Variants in RBFOX2 observed in about 807,000 individuals in gnomAD.
RBFOX2 encodes RNA binding fox-1 homolog 2.
A neutral mutation model predicts 49.1 loss-of-function variants in RBFOX2; 10 were observed. The ratio of observed to expected loss-of-function variants is 0.20; its 90% CI spans 0.13 to 0.35. RBFOX2 has a LOEUF of 0.35. RBFOX2 is among the 10% of genes least tolerant of loss of function. The pLI is 1.00. For synonymous variants in RBFOX2, 183 were observed against 187.4 expected (o/e 0.98, Z 0.19); for missense variants, 323 against 486.9 (o/e 0.66, Z 3.17).
At chr22:35,762,401 T>C (rs969092068) in intron 6 of RBFOX2, among the ~76,000 whole-genome samples, 6 of 152,058 alleles carry the variant, frequency 3.9e-5, no homozygotes, top group African/African-American at 1.4e-4. Flanking sequence ...CTATATTATA[T>C]ATTTTCTGAC....
intron 2 of RBFOX2, among the ~76,000 whole-genome samples, chr22:35,785,436 C>T (rs762038373): frequency 2.6e-5 from 4 of 152,106 alleles, no homozygotes; most frequent in Non-Finnish European, 4.4e-5. Flanking sequence ...GTGGAACTTG[C>T]TGTTCTTATT....
At chr22:36,024,270 T>C (rs553636690) in intron 1 of RBFOX2, among the ~76,000 whole-genome samples, 5 of 152,324 alleles carry the variant, frequency 3.3e-5, no homozygotes, top group Non-Finnish European at 7.3e-5. Flanking sequence ...AAAGGAAATA[T>C]AGTTCCTATC....
intron 1 of RBFOX2, among the ~76,000 whole-genome samples, chr22:35,926,271 T>C (rs534428470): frequency 2.9e-3 from 444 of 152,336 alleles, no homozygotes; most frequent in African/African-American, 0.01. Flanking sequence ...TACTAACCGC[T>C]ACAGCAAGAA....
chr22:35,883,650 T>C (rs2046208962), intron 1 of RBFOX2, among the ~76,000 whole-genome samples: 1 of 152,198 alleles, frequency 6.6e-6, no homozygotes, highest in South Asian at 2.1e-4. Context: ...TTTCCCCTCA[T>C]ACTTTAAGCA....
intron 1 of RBFOX2, among the ~76,000 whole-genome samples, chr22:35,849,292 C>CAT (rs1184982288): frequency 9.3e-5 from 12 of 128,516 alleles, no homozygotes; most frequent in African/African-American, 4.2e-4. Context: ...CACACATACA[C>CAT]ACACAAACAC....
chr22:35,929,526 A>G (rs2052096589), intron 1 of RBFOX2, among the ~76,000 whole-genome samples: 1 of 152,234 alleles, frequency 6.6e-6, no homozygotes, highest in Admixed American at 6.5e-5. Context: ...AAAATAAAAA[A>G]TGACACAGTG....
chr22:36,006,728 T>C (rs1049172234), intron 1 of RBFOX2, among the ~76,000 whole-genome samples: 40 of 152,230 alleles, frequency 2.6e-4, no homozygotes, highest in African/African-American at 9.4e-4. Flanking sequence ...CTTGCCCTTG[T>C]ACATACTGTT....
chr22:35,794,033 T>C (rs921441200), intron 2 of RBFOX2, among the ~76,000 whole-genome samples: 2 of 152,290 alleles, frequency 1.3e-5, no homozygotes, highest in South Asian at 4.1e-4. Flanking sequence ...ATGTAACATA[T>C]AAATAGTGAC....
exon 12 of RBFOX2, chr22:35,743,961 A>G: frequency 2.5e-6 from 1 of 406,276 alleles, no homozygotes. Context: ...GTTTAAAAAA[A>G]AAAAGAAAAA....
intron 1 of RBFOX2, among the ~76,000 whole-genome samples, chr22:35,919,174 C>T (rs980328553): frequency 5.9e-5 from 9 of 152,094 alleles, no homozygotes; most frequent in African/African-American, 2.2e-4. Context: ...ACAGAATAGG[C>T]AAAATCTGTA....
At chr22:35,746,165 A>G (rs1569208740) in intron 10 of RBFOX2, among the ~76,000 whole-genome samples, 170 bp from the exon 13 acceptor site, 2 of 152,238 alleles carry the variant, frequency 1.3e-5, no homozygotes, top group Non-Finnish European at 1.5e-5. Context: ...CCCAAATGCA[A>G]TAACTGAAAA....
chr22:35,762,529 C>CA (rs796903854), intron 6 of RBFOX2, among the ~76,000 whole-genome samples: 124 of 121,104 alleles, frequency 1.0e-3, no homozygotes, highest in African/African-American at 3.8e-3. Context: ...TTTTTTGAGA[C>CA]AGAGTCTTGC....
chr22:35,966,222 C>A (rs567842123), upstream of RBFOX2, among the ~76,000 whole-genome samples: 11 of 152,284 alleles, frequency 7.2e-5, no homozygotes, highest in East Asian at 2.1e-3. Flanking sequence ...ATAAATATAT[C>A]ATAATTTACT....
chr22:35,977,345 C>A (rs1281713006), intron 1 of RBFOX2, among the ~76,000 whole-genome samples: 1 of 151,904 alleles, frequency 6.6e-6, no homozygotes, highest in East Asian at 1.9e-4. Flanking sequence ...GGTATTTACC[C>A]AAGAGAAATG....
At chr22:35,861,975 CATGG>C (rs992050546) in intron 1 of RBFOX2, among the ~76,000 whole-genome samples, 5 of 152,148 alleles carry the variant, frequency 3.3e-5, no homozygotes, top group African/African-American at 1.2e-4. Flanking sequence ...TATACAGTAA[CATGG>C]ATGAATTTCA....
intron 1 of RBFOX2, among the ~76,000 whole-genome samples, chr22:35,875,753 C>T (rs1011760667): frequency 2.0e-5 from 3 of 151,548 alleles, no homozygotes; most frequent in Non-Finnish European, 2.9e-5. Flanking sequence ...TTCCAACCTG[C>T]CTATTCTCCT....
intron 1 of RBFOX2, among the ~76,000 whole-genome samples, chr22:35,867,003 T>C (rs1357897635): frequency 6.6e-6 from 1 of 152,154 alleles, no homozygotes; most frequent in Non-Finnish European, 1.5e-5. Flanking sequence ...TGTGGTTATG[T>C]AAGAAAACGC....
intron 1 of RBFOX2, among the ~76,000 whole-genome samples, chr22:35,876,139 T>C (rs1375011925): frequency 7.9e-5 from 12 of 152,196 alleles, no homozygotes; most frequent in Admixed American, 1.3e-4. Context: ...AACTGATGAA[T>C]GAACGGGCTA....
chr22:35,862,714 G>A (rs1248370302), intron 1 of RBFOX2, among the ~76,000 whole-genome samples: 2 of 152,122 alleles, frequency 1.3e-5, no homozygotes, highest in African/African-American at 4.8e-5. Context: ...CAGGCTACTT[G>A]ATTCGAATCT....
Sources: allele counts gnomAD v4.1 joint callset (sites outside exome capture counted in the v4.1 genomes callset), GRCh38; gene constraint gnomAD v4.1.1; transcripts MANE v1.5; gene names NCBI Gene and HGNC (gene_info 2026-07-23, HGNC 2026-07-21).